Variants in SGCG observed in about 807,000 individuals in gnomAD.
SGCG encodes sarcoglycan gamma, also known as gamma-sarcoglycan.
SGCG carries 26 observed loss-of-function variants against 29.3 expected under a neutral mutation model. The observed-to-expected ratio is 0.89, with a 90% CI of 0.65 to 1.23. The LOEUF is 1.23. Among genes scored for constraint, SGCG ranks in the 50% most tolerant of loss-of-function variants. The pLI, the probability that SGCG is intolerant of heterozygous loss-of-function variation, is 0.00. For missense variants in SGCG, 353 were observed against 356.0 expected (o/e 0.99, Z 0.07); for synonymous variants, 145 against 129.7 (o/e 1.12, Z -0.80).
chr13:23,180,430 T>G (rs866534098), upstream of SGCG, among the ~76,000 whole-genome samples: 7 of 152,326 alleles, frequency 4.6e-5, no homozygotes, highest in Middle Eastern at 3.4e-3. Flanking sequence ...GATCTTTGTT[T>G]AAGATTTTCT....
intron 4 of SGCG, among the ~76,000 whole-genome samples, chr13:23,270,817 A>G (rs2137603272): frequency 6.6e-6 from 1 of 152,284 alleles, no homozygotes; most frequent in Non-Finnish European, 1.5e-5. Flanking sequence ...GTATGATTTC[A>G]CTTTTTAACA....
At chr13:23,303,167 C>T (rs572596508) in intron 6 of SGCG, among the ~76,000 whole-genome samples, 3 of 146,050 alleles carry the variant, frequency 2.1e-5, no homozygotes, top group Admixed American at 7.2e-5. Flanking sequence ...ACATCATAAT[C>T]GATTCAGAAT....
At chr13:23,181,987 G>A (rs183258625) in intron 1 of SGCG, among the ~76,000 whole-genome samples, 101 of 152,216 alleles carry the variant, frequency 6.6e-4, no homozygotes, top group Non-Finnish European at 1.2e-3. Flanking sequence ...GTTGGGGTTC[G>A]TTTTATAGGT....
chr13:23,306,419 G>A (rs1392591518), intron 6 of SGCG, among the ~76,000 whole-genome samples: 1 of 152,044 alleles, frequency 6.6e-6, no homozygotes, highest in Non-Finnish European at 1.5e-5. Flanking sequence ...AGTTGATTTT[G>A]GCCAACTGTA....
chr13:23,252,372 A>G (rs1879999846), intron 4 of SGCG, among the ~76,000 whole-genome samples: 1 of 152,200 alleles, frequency 6.6e-6, no homozygotes, highest in Admixed American at 6.5e-5. Context: ...CTATAAAAGT[A>G]GAAGAATCTT....
chr13:23,306,573 C>T (rs1204793863), intron 6 of SGCG, among the ~76,000 whole-genome samples: 2 of 152,138 alleles, frequency 1.3e-5, no homozygotes. Context: ...TCTATAAATA[C>T]AAGTGATCAC....
intron 5 of SGCG, among the ~76,000 whole-genome samples, chr13:23,279,726 CCTT>C (rs1170638095): frequency 6.6e-6 from 1 of 151,728 alleles, no homozygotes; most frequent in African/African-American, 2.4e-5. Context: ...TTCCTCCCTT[CCTT>C]CTTTTTTTTT....
chr13:23,212,835 A>G (rs370124286), intron 2 of SGCG, among the ~76,000 whole-genome samples: 1 of 152,180 alleles, frequency 6.6e-6, no homozygotes, highest in East Asian at 1.9e-4. Context: ...AGACACTGCA[A>G]ACTTTAGGGT....
chr13:23,286,962 G>A (rs576945930), intron 5 of SGCG, among the ~76,000 whole-genome samples: 65 of 152,350 alleles, frequency 4.3e-4, no homozygotes, highest in African/African-American at 1.5e-3. Context: ...AAGTAAAACT[G>A]TGATAAGGGG....
In SGCG at chr13:23,324,449, T is replaced by C. The variant is rs776357413; in HGVS notation, c.784T>C (p.Tyr262His). Residue 262 changes from tyrosine (Y) to histidine (H), a missense_variant, in exon 8 of 8, where the codon TAC becomes CAC. Transcript: ENST00000218867. ...TCCCTCTGGCAGCTCACAGAGCCTC[T>C]ACGAAATCTGTGTGTGTCCAGATGG... ...WGPSGSSQSL[Y>H]EICVCPDGKL... 42 of 1,613,956 alleles carry C rather than the reference T, an allele frequency of 2.6e-5. No homozygotes were observed. The highest frequency in any genetic ancestry group is 3.2e-5 in the Non-Finnish European group (38 of 1,180,024).
At chr13:23,165,401 T>C in the SGCG span, among the ~76,000 whole-genome samples, 2 of 152,202 alleles carry the variant, frequency 1.3e-5, no homozygotes, top group Non-Finnish European at 2.9e-5. Flanking sequence ...GGACTAAGTT[T>C]TGAACTACAA....
rs150927687 is a variant in SGCG at position 23,290,330 on chromosome 13, C to T, written c.506-5085C>T. 5.1e-4 allele frequency among the ~76,000 whole-genome samples: 78 copies of T among 152,248 alleles called. 3 individuals carry two copies. The South Asian group carries it at 9.1e-3, about 18-fold the overall frequency. On this transcript the variant is annotated intron_variant, in intron 5 of 7. Coordinates refer to ENST00000218867, the MANE Select transcript of SGCG (RefSeq NM_000231.3). ...GATAAATGTGGGTGTCATCAACCAA[C>T]TGAGCTCCAAAAAATGCCAACAGTA... is the stretch of plus-strand genomic sequence containing the variant.
chr13:23,219,030 T>C (rs1024980980), intron 2 of SGCG, among the ~76,000 whole-genome samples: 1 of 149,484 alleles, frequency 6.7e-6, no homozygotes, highest in Admixed American at 6.7e-5. Flanking sequence ...ATAATATTTA[T>C]ATGCTATATA....
At chr13:23,214,824 G>T (rs988064966) in intron 2 of SGCG, among the ~76,000 whole-genome samples, 1 of 152,140 alleles carries the variant, frequency 6.6e-6, no homozygotes, top group South Asian at 2.1e-4. Context: ...AATTATTTAT[G>T]TCTTTCTAAA....
the SGCG span, among the ~76,000 whole-genome samples, chr13:23,173,596 T>TA: frequency 6.6e-6 from 1 of 152,236 alleles, no homozygotes; most frequent in African/African-American, 2.4e-5. Flanking sequence ...TGTCATCTAT[T>TA]ATTATTTTCA....
rs144805604 is a variant in SGCG, at chr13:23,189,621, T to G, written c.-1+8546T>G. 2.6e-3 allele frequency among the ~76,000 whole-genome samples: 399 copies of G among 152,294 alleles called. 2 individuals carry two copies. The highest frequency in any genetic ancestry group is 9.2e-3 in the African/African-American group (381 of 41,566). ...TGTTACATTATATTCATGCATTCAG[T>G]CAACAGATATTGGTAGGATTTCTGG... On this transcript the variant is annotated intron_variant, in intron 1 of 7. Transcript: ENST00000218867.
At chr13:23,310,112 A>T (rs1882514164) in intron 6 of SGCG, among the ~76,000 whole-genome samples, 2 of 92,674 alleles carry the variant, frequency 2.2e-5, no homozygotes, top group African/African-American at 4.3e-5. Flanking sequence ...TTTTAGACGG[A>T]GTCTTGCTCT....
intron 4 of SGCG, among the ~76,000 whole-genome samples, chr13:23,276,460 T>G (rs1204097611): frequency 3.1e-5 from 3 of 96,300 alleles, no homozygotes; most frequent in Non-Finnish European, 6.6e-5. Context: ...TGAGACAGAG[T>G]CTCGCTCTGT....
At chr13:23,162,544 T>G in the SGCG span, among the ~76,000 whole-genome samples, 1 of 152,174 alleles carries the variant, frequency 6.6e-6, no homozygotes, top group Non-Finnish European at 1.5e-5. Context: ...AAGAATGGCG[T>G]GAACCCGGGA....
Sources: allele counts gnomAD v4.1 joint callset (sites outside exome capture counted in the v4.1 genomes callset), GRCh38; gene constraint gnomAD v4.1.1; transcripts MANE v1.5; gene names NCBI Gene and HGNC (gene_info 2026-07-23, HGNC 2026-07-21).